Variants in DLG2 observed in about 807,000 individuals in gnomAD.
The protein encoded by DLG2 is disks large homolog 2.
Under a neutral mutation model 132.5 loss-of-function variants are expected in DLG2, and 45 were observed. That is an observed-to-expected ratio of 0.34 (90% confidence interval 0.27 to 0.44). The LOEUF (loss-of-function observed/expected upper bound fraction) is 0.44, where lower values mean the gene tolerates loss of function less well. Ranked by LOEUF, DLG2 falls within the 20% of genes least tolerant of loss-of-function variation. DLG2 has a pLI of 1.00. For missense variants in DLG2, 1,045 were observed against 1,196.9 expected (o/e 0.87, Z 1.87); for synonymous variants, 424 against 419.6 (o/e 1.01, Z -0.13).
At chr11:84,129,884 T>C (rs2094344396) in intron 9 of DLG2, among the ~76,000 whole-genome samples, 1 of 152,024 alleles carries the variant, frequency 6.6e-6, no homozygotes. Flanking sequence ...AGAAACCTGG[T>C]CTTTCTACAA....
At chr11:84,029,880 G>T (rs1383980479) in intron 11 of DLG2, among the ~76,000 whole-genome samples, 1 of 152,052 alleles carries the variant, frequency 6.6e-6, no homozygotes, top group African/African-American at 2.4e-5. Context: ...TAATGACTCA[G>T]TTTAATGATC....
chr11:83,811,253 T>C (rs1013100061), intron 17 of DLG2, among the ~76,000 whole-genome samples: 4 of 152,164 alleles, frequency 2.6e-5, no homozygotes, highest in Non-Finnish European at 5.9e-5. Flanking sequence ...ACTTCTGCTT[T>C]GTTTAAGCAC....
chr11:83,980,450 A>G (rs1190039167), intron 12 of DLG2, 56 bp downstream of exon 12: 2 of 1,562,374 alleles, frequency 1.3e-6, no homozygotes, highest in Non-Finnish European at 1.7e-6. Context: ...ACAGTCATAC[A>G]CTGGAAAACA....
intron 6 of DLG2, among the ~76,000 whole-genome samples, chr11:84,614,834 A>G (rs976701155): frequency 6.6e-6 from 1 of 152,126 alleles, no homozygotes; most frequent in Non-Finnish European, 1.5e-5. Context: ...GACCATCTGG[A>G]CAATCAATTC....
intron 6 of DLG2, among the ~76,000 whole-genome samples, chr11:84,677,874 G>C (rs1349709989): frequency 6.6e-6 from 1 of 152,012 alleles, no homozygotes; most frequent in African/African-American, 2.4e-5. Context: ...GGGAGAAAGA[G>C]TGAGACTCTG....
intron 3 of DLG2, among the ~76,000 whole-genome samples, chr11:85,343,581 A>T (rs1416980505): frequency 2.0e-5 from 3 of 152,098 alleles, no homozygotes; most frequent in African/African-American, 7.2e-5. Flanking sequence ...TTTTCAGCTT[A>T]TTATGACCTA....
At chr11:83,642,314 T>G (rs964795156) in intron 18 of DLG2, among the ~76,000 whole-genome samples, 1 of 152,190 alleles carries the variant, frequency 6.6e-6, no homozygotes, top group African/African-American at 2.4e-5. Context: ...GATCAGCCTT[T>G]TAGAATAATT....
At chr11:83,924,084 T>C (rs2078470234) in intron 15 of DLG2, among the ~76,000 whole-genome samples, 1 of 152,088 alleles carries the variant, frequency 6.6e-6, no homozygotes, top group Admixed American at 6.6e-5. Flanking sequence ...TTCTTTTACT[T>C]GGAACACATC....
chr11:85,568,377 G>A (rs1425131826), intron 3 of DLG2, among the ~76,000 whole-genome samples: 1 of 151,960 alleles, frequency 6.6e-6, no homozygotes, highest in Non-Finnish European at 1.5e-5. Flanking sequence ...AAGGGATGTT[G>A]GTCTACAATT....
At chr11:84,044,167 C>G (rs369713741) in intron 11 of DLG2, among the ~76,000 whole-genome samples, 11 of 151,830 alleles carry the variant, frequency 7.2e-5, no homozygotes, top group African/African-American at 2.7e-4. Flanking sequence ...TATTAAACCT[C>G]CAAACTGTAC....
intron 4 of DLG2, among the ~76,000 whole-genome samples, chr11:85,260,591 T>A (rs2076888379): frequency 6.6e-6 from 1 of 152,192 alleles, no homozygotes; most frequent in Admixed American, 6.5e-5. Context: ...AATCCTACAA[T>A]GTGCCAGGTA....
chr11:83,484,324 G>A (rs904116604), intron 21 of DLG2, 96 bp from the exon 22 acceptor site: 4 of 866,942 alleles, frequency 4.6e-6, no homozygotes, highest in African/African-American at 3.4e-5. Context: ...AGCACAGAGA[G>A]CTGTAGTGAC....
intron 7 of DLG2, among the ~76,000 whole-genome samples, chr11:84,316,465 A>AT (rs2098356757): frequency 6.6e-6 from 1 of 152,132 alleles, no homozygotes; most frequent in South Asian, 2.1e-4. Context: ...GTTAAAATTT[A>AT]TTTTTTCTCT....
chr11:83,492,956 A>T (rs1338823537), intron 21 of DLG2, among the ~76,000 whole-genome samples: 7 of 152,030 alleles, frequency 4.6e-5, no homozygotes, highest in African/African-American at 1.4e-4. Context: ...TCTGCTCGAG[A>T]TCCTCCAGTG....
intron 6 of DLG2, among the ~76,000 whole-genome samples, chr11:84,853,526 T>C (rs1599809184): frequency 6.6e-6 from 1 of 152,122 alleles, no homozygotes; most frequent in Non-Finnish European, 1.5e-5. Flanking sequence ...TAATTTCCAT[T>C]CCAATTTCAG....
At chr11:84,273,634 G>A (rs1399928270) in intron 7 of DLG2, among the ~76,000 whole-genome samples, 1 of 152,174 alleles carries the variant, frequency 6.6e-6, no homozygotes, top group Non-Finnish European at 1.5e-5. Context: ...TGGGTGGCAG[G>A]TCATGGTGGT....
intron 15 of DLG2, among the ~76,000 whole-genome samples, chr11:83,897,987 T>A (rs1260187116): frequency 2.6e-5 from 4 of 152,132 alleles, no homozygotes; most frequent in Admixed American, 2.6e-4. Context: ...CAAAAACTAG[T>A]AAGAGATAGG....
At chr11:84,602,430 A>G (rs1253780399) in intron 6 of DLG2, among the ~76,000 whole-genome samples, 1 of 151,996 alleles carries the variant, frequency 6.6e-6, no homozygotes, top group Non-Finnish European at 1.5e-5. Context: ...ACTTTGTGAT[A>G]TTAAACAATT....
chr11:83,921,106 A>T (rs1465397918), intron 15 of DLG2, among the ~76,000 whole-genome samples: 1 of 152,156 alleles, frequency 6.6e-6, no homozygotes, highest in Non-Finnish European at 1.5e-5. Context: ...CATCACCTGC[A>T]AAATGGGATA....
Sources: gnomAD v4.1 joint callset for allele counts (sites outside exome capture counted in the v4.1 genomes callset) on GRCh38, gnomAD v4.1.1 for gene constraint, MANE v1.5 for transcripts, NCBI Gene and HGNC (gene_info 2026-07-23, HGNC 2026-07-21) for gene names.